The following SESN3 variants were observed in gnomAD, a reference collection of about 807,000 sequenced individuals.
SESN3 encodes sestrin-3.
A neutral mutation model predicts 55.3 loss-of-function variants in SESN3; 21 were observed. The ratio of observed to expected loss-of-function variants is 0.38; its 90% CI spans 0.27 to 0.55. SESN3 has a LOEUF of 0.55. SESN3 is among the 20% of genes least tolerant of loss of function. SESN3 has a pLI of 0.76. For synonymous variants in SESN3, 181 were observed against 203.1 expected (o/e 0.89, Z 0.93); for missense variants, 408 against 604.3 (o/e 0.68, Z 3.41).
chr11:95,181,483 T>C (rs2134223023), intron 6 of SESN3, among the ~76,000 whole-genome samples: 1 of 152,270 alleles, frequency 6.6e-6, no homozygotes, highest in Non-Finnish European at 1.5e-5. Context: ...GCTTTAATTC[T>C]ATCTAAACAA....
intron 7 of SESN3, among the ~76,000 whole-genome samples, chr11:95,178,300 C>A (rs1330798015): frequency 6.6e-6 from 1 of 152,164 alleles, no homozygotes; most frequent in Admixed American, 6.5e-5. Flanking sequence ...CAATCTTATA[C>A]CCTCTTTAGG....
At chr11:95,214,132 A>AT (rs1210540049) in intron 1 of SESN3, among the ~76,000 whole-genome samples, 1 of 152,292 alleles carries the variant, frequency 6.6e-6, no homozygotes, top group African/African-American at 2.4e-5. Flanking sequence ...AAGGTACTAT[A>AT]TTAGCCCTTT....
At position 95,193,460 on chromosome 11, in the gene SESN3, C is replaced by T. The variant is rs758397932; in HGVS notation, c.141G>A (p.Lys47=). 11 of 1,551,618 alleles carry T rather than the reference C, an allele frequency of 7.1e-6. No homozygotes were observed. The highest frequency in any genetic ancestry group is 9.8e-6 in the Non-Finnish European group (11 of 1,125,052). The change falls in exon 2 of 10, where the codon AAG becomes AAA. Residue 47 remains lysine, a synonymous_variant. Transcript: ENST00000536441. The stretch of plus-strand genomic sequence containing the variant: ...ATTTTAAGACAGATAAACTTACTTC[C>T]TTCTCTGGAATAAAGGCACTTGGTC... ...TRGPSAFIPE[K]EVVQANTVDE... is the part of the protein sequence containing the mutation.
intron 1 of SESN3, among the ~76,000 whole-genome samples, chr11:95,209,391 G>A (rs936276756): frequency 6.6e-6 from 1 of 151,282 alleles, no homozygotes; most frequent in Non-Finnish European, 1.5e-5. Context: ...TAAAAAGTCA[G>A]GAAACAACAG....
chr11:95,227,613 G>A (rs1209478406), intron 1 of SESN3, among the ~76,000 whole-genome samples: 2 of 152,066 alleles, frequency 1.3e-5, no homozygotes, highest in African/African-American at 4.8e-5. Flanking sequence ...ACAATACAAA[G>A]ATATATCACT....
chr11:95,196,008 T>C (rs890465351), intron 1 of SESN3, among the ~76,000 whole-genome samples: 3 of 152,202 alleles, frequency 2.0e-5, no homozygotes, highest in Non-Finnish European at 2.9e-5. Context: ...GAGGGTGATG[T>C]AGACCCTGGG....
intron 4 of SESN3, among the ~76,000 whole-genome samples, chr11:95,186,194 C>CTCTGTGTGTG (rs1363097937): frequency 2.8e-5 from 3 of 107,634 alleles, no homozygotes; most frequent in African/African-American, 7.1e-5. Context: ...CTATCTCTCA[C>CTCTGTGTGTG]TGTGTGTGTG....
At chr11:95,221,988 G>A (rs1860866993) in intron 1 of SESN3, among the ~76,000 whole-genome samples, 1 of 152,196 alleles carries the variant, frequency 6.6e-6, no homozygotes, top group Non-Finnish European at 1.5e-5. Context: ...GACTTTCAAA[G>A]TAAAGGGCTT....
chr11:95,216,654 G>A (rs1380412668), intron 1 of SESN3, among the ~76,000 whole-genome samples: 4 of 151,568 alleles, frequency 2.6e-5, no homozygotes, highest in African/African-American at 4.9e-5. Flanking sequence ...TTTCCACTGT[G>A]ACAAATATGT....
chr11:95,201,829 AG>A (rs976722943), intron 1 of SESN3, among the ~76,000 whole-genome samples: 1 of 152,078 alleles, frequency 6.6e-6, no homozygotes, highest in African/African-American at 2.4e-5. Flanking sequence ...AATGCCACAG[AG>A]TGATGTAAAT....
rs1859866697 is a variant in SESN3 at position 95,172,323 on chromosome 11, T to C, written c.*932A>G. 1 of 152,048 alleles carries C rather than the reference T, an allele frequency of 6.6e-6. No individual in the cohort carries two copies. The highest frequency in any genetic ancestry group is 2.4e-5 in the African/African-American group (1 of 41,420). The allele number at this position is 152,048 out of a possible 1,614,324, so 9.4% of individuals were successfully genotyped here. ...TAACCTTCCTTTGCTTAACGAAATA[T>C]AGAAAAAAACTATGAGAAAGGAAAA... On this transcript the variant is annotated 3_prime_UTR_variant, in exon 10 of 10. Transcript: ENST00000536441.
At chr11:95,202,893 T>C (rs1860484646) in intron 1 of SESN3, among the ~76,000 whole-genome samples, 1 of 152,104 alleles carries the variant, frequency 6.6e-6, no homozygotes, top group South Asian at 2.1e-4. Context: ...AACTTCACCT[T>C]GAATTTTAGA....
intron 1 of SESN3, among the ~76,000 whole-genome samples, chr11:95,219,802 C>A (rs536329354): frequency 6.6e-6 from 1 of 151,078 alleles, no homozygotes; most frequent in African/African-American, 2.4e-5. Flanking sequence ...GCTGAGTAAA[C>A]AAGTTAGGAA....
intron 1 of SESN3, among the ~76,000 whole-genome samples, chr11:95,211,169 G>A (rs900783731): frequency 6.6e-6 from 1 of 152,142 alleles, no homozygotes; most frequent in East Asian, 1.9e-4. Flanking sequence ...GTAGAAACTT[G>A]GGGCATCTCA....
rs540716602 is a variant in SESN3 at position 95,191,580 on chromosome 11, C to T, written c.166G>A (p.Asp56Asn). The change falls in exon 3 of 10, where the codon GAT becomes AAT. Residue 56 changes from aspartate to asparagine, a missense_variant. Asp to Asn is a conservative substitution (Grantham distance 23). Coordinates refer to ENST00000536441, the MANE Select transcript of SESN3 (RefSeq NM_144665.4). ...EKEVVQANTV[D>N]ERTNFLVEEY... Reference sequence around the variant, plus strand: ...TCCACAAGAAAGTTAGTACGTTCATCCACTGTGTTTGCTTGGACAACCTTA... The same window carrying T: ...TCCACAAGAAAGTTAGTACGTTCATTCACTGTGTTTGCTTGGACAACCTTA... 20 of 1,612,350 alleles carry T rather than the reference C, an allele frequency of 1.2e-5. No individual in the cohort carries two copies. In the East Asian group the frequency reaches 2.9e-4, roughly 23 times the overall value.
chr11:95,185,574 C>T, intron 4 of SESN3, 82 bp from the exon 5 acceptor site: 1 of 851,304 alleles, frequency 1.2e-6, no homozygotes, highest in Non-Finnish European at 2.0e-6. Flanking sequence ...TACCAATTTT[C>T]ATATATCCAC....
intron 1 of SESN3, among the ~76,000 whole-genome samples, chr11:95,220,750 C>T (rs1318853355): frequency 6.6e-6 from 1 of 152,120 alleles, no homozygotes; most frequent in Non-Finnish European, 1.5e-5. Context: ...AGTGTTTATA[C>T]CTGCATAATG....
At chr11:95,200,172 AGTAGGTATAAACAG>A (rs1324260938) in intron 1 of SESN3, among the ~76,000 whole-genome samples, 5 of 152,110 alleles carry the variant, frequency 3.3e-5, no homozygotes, top group African/African-American at 1.2e-4. Flanking sequence ...ACGACAAAAA[AGTAGGTATAAACAG>A]GCAGCTCTAT....
At chr11:95,202,291 G>C (rs1860473496) in intron 1 of SESN3, among the ~76,000 whole-genome samples, 1 of 151,850 alleles carries the variant, frequency 6.6e-6, no homozygotes, top group Non-Finnish European at 1.5e-5. Context: ...TCTGGCTGTA[G>C]GCTCTTTCAT....
Sources: gnomAD v4.1 joint callset for allele counts (sites outside exome capture counted in the v4.1 genomes callset) on GRCh38, gnomAD v4.1.1 for gene constraint, MANE v1.5 for transcripts, NCBI Gene and HGNC (gene_info 2026-07-23, HGNC 2026-07-21) for gene names.